The following EFEMP1 variants were observed in gnomAD, a reference collection of about 807,000 sequenced individuals.
EFEMP1 encodes the protein EGF-like fibulin extracellular matrix protein 1, also known as EGF-containing fibulin-like extracellular matrix protein 1.
In EFEMP1, 18 loss-of-function variants were observed where a neutral mutation model predicts 65.7. That is an observed-to-expected ratio of 0.27 (90% confidence interval 0.19 to 0.41). EFEMP1 has a LOEUF of 0.41. Among genes scored for constraint, EFEMP1 ranks in the 10% least tolerant of loss-of-function variants. The probability of loss-of-function intolerance (pLI) is 1.00; values close to 1 mark genes in which losing one functional copy is unlikely to be tolerated. For missense variants in EFEMP1, 469 were observed against 624.8 expected, an observed-to-expected ratio of 0.75 and a Z score of 2.66; for synonymous variants, 237 against 219.7, an observed-to-expected ratio of 1.08 and a Z score of -0.70.
chr2:55,871,119 T>C lies in EFEMP1; in HGVS notation c.1005A>G (p.Ile335Met). Residue 335 changes from isoleucine (I) to methionine (M), a missense_variant, in exon 10 of 12, where the codon ATA becomes ATG. This residue lies in a region of EFEMP1 where 399 missense variants were observed against 528.2 expected (regional missense o/e 0.76). Transcript: ENST00000355426. This position sits in a 1 kb window ranked among gnomAD's most constrained non-coding sequence, Gnocchi z 4.2. ...ATTCATTTGTGGTCTCACACTCATT[T>C]ATATCTGTAGAGATGTAGGGTCAAA... ...QVVRSRTCQD[I>M]NECETTNECR... The C allele has an allele frequency of 6.2e-7, 1 of 1,613,600 alleles. No homozygotes were observed. The highest frequency in any genetic ancestry group is 8.5e-7 in the Non-Finnish European group (1 of 1,179,642).
At position 55,870,650 on chromosome 2, in the gene EFEMP1, A is replaced by C; in HGVS notation, c.1320+70T>G. 6.3e-7 allele frequency: 1 copy of C among 1,579,692 alleles called. No homozygotes were observed. On this transcript the variant is annotated intron_variant, in intron 11 of 11. Transcript: ENST00000355426. The surrounding 1 kb of genome is among the most constrained non-coding windows in gnomAD (Gnocchi z 5.8). ...TTCCACATGTGGATACCACACAACA[A>C]CAACAACAACAACAACAACAACAAA...
At position 55,881,664 on chromosome 2, in the gene EFEMP1, G is replaced by A. The variant is rs764264501; in HGVS notation, c.588C>T (p.Ser196=). Residue 196 remains serine (S), a synonymous_variant, in exon 6 of 12, where the codon TCC becomes TCT. Coordinates refer to ENST00000355426, the MANE Select transcript of EFEMP1 (RefSeq NM_001039348.3). ...ATCCAGGAGGGCACTGACATGCAAA[G>A]GATCCCCGTAAATTGATGCACACTT... ...ADQVCINLRG[S]FACQCPPGYQ... is the part of the protein sequence containing the mutation. The A allele has an allele frequency of 5.6e-6, 9 of 1,613,962 alleles. No individual in the cohort carries two copies. In the South Asian group the frequency reaches 8.8e-5, roughly 16 times the overall value.
chr2:55,917,518 AAT>A lies in EFEMP1; in HGVS notation c.517+145_517+146del. The A allele has an allele frequency of 9.3e-7, 1 of 1,070,380 alleles. No individual in the cohort carries two copies. Among genetic ancestry groups the A allele is most frequent in the East Asian group, 2.4e-5 (1 of 41,542 alleles). 66.3% of individuals were successfully genotyped at this position (1,070,380 alleles called of 1,614,324 possible). ...ACAACTACAGCAACTACCCTTTAGG[AAT>A]ATTGTGATGATTAAATATAATGCAG... On this transcript the variant is annotated intron_variant, in intron 5 of 11. Coordinates refer to ENST00000355426, the MANE Select transcript of EFEMP1 (RefSeq NM_001039348.3). This position sits in a 1 kb window ranked among gnomAD's most constrained non-coding sequence, Gnocchi z 6.3.
At position 55,885,674 on chromosome 2, in the gene EFEMP1, G is replaced by A. The variant is rs185067526; in HGVS notation, c.518-3940C>T. Among the ~76,000 whole-genome samples, 1 of 152,138 alleles carries A rather than the reference G, an allele frequency of 6.6e-6. No individual in the cohort carries two copies. The highest frequency in any genetic ancestry group is 1.5e-5 in the Non-Finnish European group (1 of 68,034). ...TCTCTTGCTGACTTTGGCACCGTTA[G>A]TTGCTTTAAATAACACAGGCTAATC... On this transcript the variant is annotated intron_variant, in intron 5 of 11. Transcript: ENST00000355426. The surrounding 1 kb of genome is among the most constrained non-coding windows in gnomAD (Gnocchi z 4.3).
In EFEMP1 at chr2:55,919,256, T is replaced by C. The variant is rs1300577562; in HGVS notation, c.82-989A>G. Among the ~76,000 whole-genome samples the C allele has an allele frequency of 6.6e-6, 1 of 152,212 alleles. No individual in the cohort carries two copies. The highest frequency in any genetic ancestry group is 2.4e-5 in the African/African-American group (1 of 41,452). Reference sequence around the variant, plus strand: ...GGCAGGGCCAAAACAAGAAAGCCTTTCTTTAGGAATGGAAGCCTGAATTCT... The same window carrying C: ...GGCAGGGCCAAAACAAGAAAGCCTTCCTTTAGGAATGGAAGCCTGAATTCT... On this transcript the variant is annotated intron_variant, in intron 3 of 11. Transcript: ENST00000355426. The surrounding 1 kb of genome is among the most constrained non-coding windows in gnomAD (Gnocchi z 4.5).
rs1668779297 is a variant in EFEMP1, at chr2:55,870,856, T to C, written c.1184A>G (p.Tyr395Cys). 6.2e-7 allele frequency: 1 copy of C among 1,613,724 alleles called. No individual in the cohort carries two copies. Among genetic ancestry groups the C allele is most frequent in the Non-Finnish European group, 8.5e-7 (1 of 1,179,856 alleles). The change falls in exon 11 of 12, where the codon TAC becomes TGC. Residue 395 changes from tyrosine to cysteine, a missense_variant. Coordinates refer to ENST00000355426, the MANE Select transcript of EFEMP1 (RefSeq NM_001039348.3). The surrounding 1 kb of genome is among the most constrained non-coding windows in gnomAD (Gnocchi z 5.8). ...MCRELPQSIV[Y>C]KYMSIRSDRS... ...ATCAGATCGGATGCTCATGTATTTGTAGACTATTGACTGGGGCAGTTCTCG... is the reference window on the plus strand; with the variant it reads ...ATCAGATCGGATGCTCATGTATTTGCAGACTATTGACTGGGGCAGTTCTCG...
Position 55,871,056 on chromosome 2 carries a change from G to A in EFEMP1, c.1068C>T (p.Gly356=), listed in dbSNP as rs1320667158. 6.2e-7 allele frequency: 1 copy of A among 1,613,710 alleles called. No individual in the cohort carries two copies. The highest frequency in any genetic ancestry group is 8.5e-7 in the Non-Finnish European group (1 of 1,179,808). The change falls in exon 10 of 12, where the codon GGC becomes GGT. Residue 356 remains glycine (G), a synonymous_variant. Transcript: ENST00000355426. This position sits in a 1 kb window ranked among gnomAD's most constrained non-coding sequence, Gnocchi z 4.2. Reference sequence around the variant, plus strand: ...AAGGATTTCGTGGATAACAACGGAAGCCGCCATGATAATTCCAACACATTT... The same window carrying A: ...AAGGATTTCGTGGATAACAACGGAAACCGCCATGATAATTCCAACACATTT... ...EDEMCWNYHG[G]FRCYPRNPCQ... is the part of the protein sequence containing the mutation.
intron 9 of EFEMP1, among the ~76,000 whole-genome samples, chr2:55,872,438 T>A (rs1668845602): frequency 6.6e-6 from 1 of 152,190 alleles, no homozygotes; most frequent in Admixed American, 6.5e-5. Context: ...CATCTTTTAA[T>A]CCTTTCATCA....
rs1558491106 is a variant in EFEMP1 at position 55,919,026 on chromosome 2, G to C, written c.82-759C>G. 6.6e-6 allele frequency among the ~76,000 whole-genome samples: 1 copy of C among 152,194 alleles called. No individual in the cohort carries two copies. The highest frequency in any genetic ancestry group is 2.4e-5 in the African/African-American group (1 of 41,438). On this transcript the variant is annotated intron_variant, in intron 3 of 11. Transcript: ENST00000355426. This position sits in a 1 kb window ranked among gnomAD's most constrained non-coding sequence, Gnocchi z 4.5. Reference sequence around the variant, plus strand: ...GGAAGGAGTAATGGACTCTGCCCGGGGGCATGGGTGAGCATGGCAGGGCAG... The same window carrying C: ...GGAAGGAGTAATGGACTCTGCCCGGCGGCATGGGTGAGCATGGCAGGGCAG...
In EFEMP1 at chr2:55,916,689, G is replaced by C. The variant is rs138789338; in HGVS notation, c.517+976C>G. 4.3e-3 allele frequency among the ~76,000 whole-genome samples: 648 copies of C among 152,296 alleles called. 1 individual carries two copies. The highest frequency in any genetic ancestry group is 0.014 in the African/African-American group (594 of 41,556). ...TGGTGACATGGAGTTCTGCACTATG[G>C]GATCTACCTAATCAGCCTCTGGCAG... On this transcript the variant is annotated intron_variant, in intron 5 of 11. Transcript: ENST00000355426.
intron 3 of EFEMP1, among the ~76,000 whole-genome samples, chr2:55,920,794 A>G (rs543068860): frequency 6.6e-6 from 1 of 152,314 alleles, no homozygotes; most frequent in East Asian, 1.9e-4. Context: ...TACCTTACAC[A>G]TTGCCGCAAG....
chr2:55,922,666 A>G lies in EFEMP1; in HGVS notation c.-7-219T>C. The G allele has an allele frequency of 1.9e-6, 1 of 539,650 alleles. No individual in the cohort carries two copies. Among genetic ancestry groups the G allele is most frequent in the Non-Finnish European group, 3.3e-6 (1 of 303,808 alleles). 33.4% of individuals were successfully genotyped at this position (539,650 alleles called of 1,614,324 possible). ...GACGTAAAAACTGCTGTAGAATTGC[A>G]TTTCACGTTACTCCATCCTGCTACG... On this transcript the variant is annotated intron_variant, in intron 2 of 11. Coordinates refer to ENST00000355426, the MANE Select transcript of EFEMP1 (RefSeq NM_001039348.3). This position sits in a 1 kb window ranked among gnomAD's most constrained non-coding sequence, Gnocchi z 5.5.
intron 7 of EFEMP1, 75 bp from the exon 8 acceptor site, chr2:55,876,817 A>G: frequency 1.1e-6 from 1 of 918,604 alleles, no homozygotes; most frequent in Non-Finnish European, 1.5e-6. Context: ...GACTTTAAAC[A>G]TATCCTTACT....
At chr2:55,880,706 G>A (rs1050303277) in intron 6 of EFEMP1, among the ~76,000 whole-genome samples, 2 of 152,216 alleles carry the variant, frequency 1.3e-5, no homozygotes, top group South Asian at 2.1e-4. Context: ...GTAAGAAGGG[G>A]TATGTAAATA....
At chr2:55,898,526 C>A (rs1044767400) in intron 5 of EFEMP1, among the ~76,000 whole-genome samples, 1 of 152,078 alleles carries the variant, frequency 6.6e-6, no homozygotes, top group Non-Finnish European at 1.5e-5. Context: ...AACTCACTCC[C>A]TTTTCCATAA....
At chr2:55,908,724 A>T (rs1478298968) in intron 5 of EFEMP1, among the ~76,000 whole-genome samples, 1 of 152,198 alleles carries the variant, frequency 6.6e-6, no homozygotes, top group South Asian at 2.1e-4. Context: ...AAATAAAATT[A>T]TAAAAACAAA....
intron 6 of EFEMP1, among the ~76,000 whole-genome samples, chr2:55,881,261 G>A (rs1424269746): frequency 1.3e-5 from 2 of 152,184 alleles, no homozygotes; most frequent in Non-Finnish European, 2.9e-5. Context: ...GCTATGCTAT[G>A]CTCTGCAGCA....
chr2:55,902,984 A>C (rs1670101140), intron 5 of EFEMP1, among the ~76,000 whole-genome samples: 1 of 152,248 alleles, frequency 6.6e-6, no homozygotes, highest in South Asian at 2.1e-4. Flanking sequence ...GTTCTTTGTA[A>C]ATAATTTCAA....
At chr2:55,897,073 C>A (rs1333219705) in intron 5 of EFEMP1, among the ~76,000 whole-genome samples, 2 of 152,164 alleles carry the variant, frequency 1.3e-5, no homozygotes, top group Non-Finnish European at 2.9e-5. Flanking sequence ...AAGACGGAGG[C>A]CTGGTGTCAC....
Sources: allele counts gnomAD v4.1 joint callset (sites outside exome capture counted in the v4.1 genomes callset), GRCh38; gene constraint gnomAD v4.1.1; regional missense constraint gnomAD v4.1.1; non-coding constraint Gnocchi (gnomAD v3.1); transcripts MANE v1.5; gene names NCBI Gene and HGNC (gene_info 2026-07-23, HGNC 2026-07-21).